ATP2A3: variants seen among roughly 807,000 people sequenced by gnomAD.
ATP2A3 encodes ATPase sarcoplasmic/endoplasmic reticulum Ca2+ transporting 3.
ATP2A3 carries 61 observed loss-of-function variants against 106.8 expected under a neutral mutation model. That is an observed-to-expected ratio of 0.57 (90% CI 0.46 to 0.71). ATP2A3 has a LOEUF of 0.71. Among genes scored for constraint, ATP2A3 ranks in the 30% least tolerant of loss-of-function variants. The probability of loss-of-function intolerance (pLI) is 0.00; values close to 1 mark genes in which losing one functional copy is unlikely to be tolerated. For synonymous variants in ATP2A3, 611 were observed against 609.3 expected (o/e 1.00, Z -0.04); for missense variants, 1,201 against 1,423.5 (o/e 0.84, Z 2.52).
Position 3,955,042 on chromosome 17 carries a change from G to T in ATP2A3, c.119-1332C>A, listed in dbSNP as rs1240383034. On this transcript the variant is annotated intron_variant, in intron 1 of 20. Transcript: ENST00000397041. This position sits in a 1 kb window ranked among gnomAD's most constrained non-coding sequence, Gnocchi z 4.2. ...GGGCGGGAGCCAGGCTCTGCAGGGTGGGCTTGGAGAAGCTCCCCCTTCCCA... is the reference window on the plus strand; with the variant it reads ...GGGCGGGAGCCAGGCTCTGCAGGGTTGGCTTGGAGAAGCTCCCCCTTCCCA... Among the ~76,000 whole-genome samples, 1 of 152,218 alleles carries T rather than the reference G, an allele frequency of 6.6e-6. No individual in the cohort carries two copies. The highest frequency in any genetic ancestry group is 2.4e-5 in the African/African-American group (1 of 41,452).
chr17:3,948,997 G>A (rs2054268856), intron 7 of ATP2A3, among the ~76,000 whole-genome samples: 1 of 152,008 alleles, frequency 6.6e-6, no homozygotes, highest in Non-Finnish European at 1.5e-5. Context: ...GCACGGTGGT[G>A]TGTGCTTGTA....
chr17:3,929,943 A>C lies in ATP2A3; in HGVS notation c.2744+358T>G. Reference sequence around the variant, plus strand: ...CCCCAAACATCAGACCCCAACCTGAACCCCTTGACCCCAGACCCCAATCCT... The same window carrying C: ...CCCCAAACATCAGACCCCAACCTGACCCCCTTGACCCCAGACCCCAATCCT... On this transcript the variant is annotated intron_variant, in intron 18 of 20. Coordinates refer to ENST00000397041, the MANE Select transcript of ATP2A3 (RefSeq NM_005173.4). The surrounding 1 kb of genome is among the most constrained non-coding windows in gnomAD (Gnocchi z 4.3). 7.2e-6 allele frequency among the ~76,000 whole-genome samples: 1 copy of C among 138,522 alleles called. No individual in the cohort carries two copies. The highest frequency in any genetic ancestry group is 1.6e-5 in the Non-Finnish European group (1 of 64,252). 90.9% of individuals were successfully genotyped at this position (138,522 alleles called of 152,430 possible).
chr17:3,958,900 TG>T (rs11353070), intron 1 of ATP2A3, among the ~76,000 whole-genome samples: 2,261 of 85,940 alleles, frequency 0.026, 188 homozygotes, highest in African/African-American at 0.062. Context: ...ATATATATAT[TG>T]TTTTTTTTCA....
chr17:3,960,166 T>C (rs1313693135), intron 1 of ATP2A3, among the ~76,000 whole-genome samples: 1 of 152,214 alleles, frequency 6.6e-6, no homozygotes, highest in Non-Finnish European at 1.5e-5. Context: ...GGGCCAAGTC[T>C]GCCCAATGCC....
At chr17:3,938,148 G>T (rs963391122) in intron 14 of ATP2A3, among the ~76,000 whole-genome samples, 1 of 152,154 alleles carries the variant, frequency 6.6e-6, no homozygotes. Context: ...CAAACTGAAG[G>T]CCAGGCCAGG....
rs1266754805 is a variant in ATP2A3 at position 3,943,430 on chromosome 17, C to T, written c.1380G>A (p.Gln460=). ...EKMNVFDTDL[Q]ALSRVERAGA... ...CAGCTCGCTCCACCCGGGACAGAGCCTGCAGGTCGGTGTCGAACACGTTCA... is the reference window on the plus strand; with the variant it reads ...CAGCTCGCTCCACCCGGGACAGAGCTTGCAGGTCGGTGTCGAACACGTTCA... The change falls in exon 11 of 21, where the codon CAG becomes CAA. Residue 460 remains glutamine, a synonymous_variant. Transcript: ENST00000397041. The T allele has an allele frequency of 1.9e-6, 3 of 1,614,156 alleles. No homozygotes were observed. The highest frequency in any genetic ancestry group is 1.1e-5 in the South Asian group (1 of 91,086).
intron 8 of ATP2A3, among the ~76,000 whole-genome samples, chr17:3,946,971 G>A (rs1040054711): frequency 2.0e-5 from 3 of 152,242 alleles, no homozygotes; most frequent in Non-Finnish European, 4.4e-5. Context: ...ACCGGAGCTG[G>A]CTTATCTGGT....
In ATP2A3 at chr17:3,925,525, C is replaced by T. The variant is rs2052657358; in HGVS notation, c.2981-84G>A. ...GCTTCCTTCCAGCCCCTTCCATCCT[C>T]CACTTCTCCCAGGACAGCCCCAGGC... is the stretch of plus-strand genomic sequence containing the variant. On this transcript the variant is annotated intron_variant, in intron 20 of 20. Transcript: ENST00000397041. This position sits in a 1 kb window ranked among gnomAD's most constrained non-coding sequence, Gnocchi z 4.2. 1 of 1,516,490 alleles carries T rather than the reference C, an allele frequency of 6.6e-7. No homozygotes were observed. Among genetic ancestry groups the T allele is most frequent in the South Asian group, 1.2e-5 (1 of 84,270 alleles). The allele number at this position is 1,516,490 out of a possible 1,614,324, so 93.9% of individuals were successfully genotyped here.
At chr17:3,949,782 T>C (rs920514365) in intron 7 of ATP2A3, among the ~76,000 whole-genome samples, 1 of 152,218 alleles carries the variant, frequency 6.6e-6, no homozygotes, top group African/African-American at 2.4e-5. Flanking sequence ...CAGTCCCCAG[T>C]AAACACAAGC....
Position 3,928,556 on chromosome 17 carries a change from G to A in ATP2A3, c.2980+107C>T. The A allele has an allele frequency of 9.0e-7, 1 of 1,112,550 alleles. No individual in the cohort carries two copies. Among genetic ancestry groups the A allele is most frequent in the Non-Finnish European group, 1.3e-6 (1 of 751,966 alleles). 68.9% of individuals were successfully genotyped at this position (1,112,550 alleles called of 1,614,324 possible). On this transcript the variant is annotated intron_variant, in intron 20 of 20. Transcript: ENST00000397041. The surrounding 1 kb of genome is among the most constrained non-coding windows in gnomAD (Gnocchi z 6.1). Reference sequence around the variant, plus strand: ...GGTGATCCGAGAACGCCTCCCCGATGTGCAGACAGAGAGGCTCTGCGCTCC... The same window carrying A: ...GGTGATCCGAGAACGCCTCCCCGATATGCAGACAGAGAGGCTCTGCGCTCC...
chr17:3,935,108 C>A, intron 17 of ATP2A3, 84 bp downstream of exon 17: 1 of 1,387,164 alleles, frequency 7.2e-7, no homozygotes, highest in South Asian at 1.2e-5. Context: ...GCAGGCCACC[C>A]ATGCGGCTCT....
rs1047040186 is a variant in ATP2A3 at position 3,924,307 on chromosome 17, A to C, written c.*1115T>G. ...CTGAGTTAAGAGAAAAATTCTGTCC[A>C]TCAGAGGCCATCTTCCTCTCATCTG... On this transcript the variant is annotated 3_prime_UTR_variant, in exon 21 of 21. Transcript: ENST00000397041. The surrounding 1 kb of genome is among the most constrained non-coding windows in gnomAD (Gnocchi z 6.4). 2 of 156,402 alleles carry C rather than the reference A, an allele frequency of 1.3e-5. No homozygotes were observed. Among genetic ancestry groups the C allele is most frequent in the Non-Finnish European group, 2.8e-5 (2 of 70,684 alleles). 9.7% of individuals were successfully genotyped at this position (156,402 alleles called of 1,614,324 possible).
chr17:3,964,061 CCGGAG>C, intron 1 of ATP2A3, 108 bp downstream of exon 1: 1 of 515,336 alleles, frequency 1.9e-6, no homozygotes, highest in Non-Finnish European at 2.6e-6. Context: ...GAAGAGGTTT[CCGGAG>C]CCCTCGCTTC....
chr17:3,948,566 T>C (rs1205944226), intron 7 of ATP2A3, among the ~76,000 whole-genome samples: 1 of 152,196 alleles, frequency 6.6e-6, no homozygotes, highest in Non-Finnish European at 1.5e-5. Context: ...TTATTATTAC[T>C]TTAGAAAATT....
At chr17:3,932,344 A>G (rs1171763863) in intron 17 of ATP2A3, among the ~76,000 whole-genome samples, 2 of 152,070 alleles carry the variant, frequency 1.3e-5, no homozygotes, top group East Asian at 1.9e-4. Flanking sequence ...GGGTTTCATC[A>G]TATTGGCTAG....
Position 3,929,492 on chromosome 17 carries a change from C to T in ATP2A3, c.2745-47G>A, listed in dbSNP as rs1474884114. ...CCCTTAGGCCGGGGTGCAGGGAGGC[C>T]CTGCCAGGCACCCACCCCCATGGGA... On this transcript the variant is annotated intron_variant, in intron 18 of 20. Coordinates refer to ENST00000397041, the MANE Select transcript of ATP2A3 (RefSeq NM_005173.4). This position sits in a 1 kb window ranked among gnomAD's most constrained non-coding sequence, Gnocchi z 4.3. 3 of 1,501,412 alleles carry T rather than the reference C, an allele frequency of 2.0e-6. No homozygotes were observed. The Admixed American group carries it at 5.7e-5, about 28-fold the overall frequency. 93.0% of individuals were successfully genotyped at this position (1,501,412 alleles called of 1,614,324 possible).
In ATP2A3 at chr17:3,941,257, G is replaced by C; in HGVS notation, c.1814C>G (p.Pro605Arg). Residue 605 changes from proline to arginine, a missense_variant, in exon 14 of 21, where the codon CCT becomes CGT. Around this residue, in one of 2 missense-constraint regions of ATP2A3, gnomAD observed 935 missense variants for 1,176.7 expected, o/e 0.79. Transcript: ENST00000397041. ...GCVGMLDPPR[P>R]EVAACITRCY... ...GCGTGTGATGCAGGCAGCCACCTCAGGTCGCGGCGGGTCCAGCATGCCTAC... is the reference window on the plus strand; with the variant it reads ...GCGTGTGATGCAGGCAGCCACCTCACGTCGCGGCGGGTCCAGCATGCCTAC... 1 of 1,613,832 alleles carries C rather than the reference G, an allele frequency of 6.2e-7. No homozygotes were observed. Among genetic ancestry groups the C allele is most frequent in the South Asian group, 1.1e-5 (1 of 91,072 alleles).
Position 3,936,535 on chromosome 17 carries a change from C to T in ATP2A3, c.2322-66G>A, listed in dbSNP as rs17846891. 282,947 of 1,562,054 alleles carry T rather than the reference C, an allele frequency of 0.18. 26,433 individuals are homozygous for T. Among genetic ancestry groups the T allele is most frequent in the Middle Eastern group, 0.23 (1,046 of 4,520 alleles). On this transcript the variant is annotated intron_variant, in intron 15 of 20. Coordinates refer to ENST00000397041, the MANE Select transcript of ATP2A3 (RefSeq NM_005173.4). The surrounding 1 kb of genome is among the most constrained non-coding windows in gnomAD (Gnocchi z 5.4). ...CCCCGGCAGATGCAGGCTCCAGCTC[C>T]TGCTCAGACCCAAGGCTGGGAGCTC...
intron 7 of ATP2A3, among the ~76,000 whole-genome samples, chr17:3,948,481 C>T (rs2144605230): frequency 6.6e-6 from 1 of 152,344 alleles, no homozygotes; most frequent in African/African-American, 2.4e-5. Context: ...CCCAGCCTCT[C>T]TTCTGTCTTA....
Sources: allele counts gnomAD v4.1 joint callset (sites outside exome capture counted in the v4.1 genomes callset), GRCh38; gene constraint gnomAD v4.1.1; regional missense constraint gnomAD v4.1.1; non-coding constraint Gnocchi (gnomAD v3.1); transcripts MANE v1.5; gene names NCBI Gene and HGNC (gene_info 2026-07-23, HGNC 2026-07-21).